The following ZDHHC11 variants were observed in gnomAD, a reference collection of about 807,000 sequenced individuals.
ZDHHC11 encodes the protein zDHHC palmitoyltransferase 11, also known as palmitoyltransferase ZDHHC11.
In ZDHHC11, 44 loss-of-function variants were observed where a neutral mutation model predicts 51.3. The ratio of observed to expected loss-of-function variants is 0.86; its 90% confidence interval spans 0.67 to 1.10. The LOEUF (loss-of-function observed/expected upper bound fraction) is 1.10. ZDHHC11 is among the 50% of genes least tolerant of loss of function. ZDHHC11 has a pLI of 0.00. For missense variants in ZDHHC11, 400 were observed against 537.7 expected, an observed-to-expected ratio of 0.74 and a Z score of 2.53; for synonymous variants, 163 against 222.0, an observed-to-expected ratio of 0.73 and a Z score of 2.36.
intron 3 of ZDHHC11, among the ~76,000 whole-genome samples, chr5:844,100 G>T (rs1292471721): frequency 6.6e-6 from 1 of 151,930 alleles, no homozygotes; most frequent in Admixed American, 6.5e-5. Flanking sequence ...CAGTGTGGGC[G>T]TCCACTTGAG....
chr5:856,436 CAT>C (rs1463094264), intron 1 of ZDHHC11, among the ~76,000 whole-genome samples: 1 of 151,298 alleles, frequency 6.6e-6, no homozygotes, highest in Non-Finnish European at 1.5e-5. Flanking sequence ...ACACAACACA[CAT>C]CATACAGATT....
chr5:797,667 C>T (rs1305232982), intron 12 of ZDHHC11, among the ~76,000 whole-genome samples: 8 of 151,424 alleles, frequency 5.3e-5, no homozygotes, highest in African/African-American at 1.9e-4. Flanking sequence ...GTTTTCTGTT[C>T]TCTTCAGATA....
upstream of ZDHHC11, among the ~76,000 whole-genome samples, chr5:851,396 C>A (rs1157320404): frequency 1.4e-5 from 2 of 143,574 alleles, no homozygotes; most frequent in Non-Finnish European, 3.0e-5. Flanking sequence ...AGACACTCAA[C>A]GGCCGCTACG....
intron 11 of ZDHHC11, among the ~76,000 whole-genome samples, chr5:804,923 C>T (rs1470896135): frequency 6.6e-6 from 1 of 151,178 alleles, no homozygotes; most frequent in Non-Finnish European, 1.5e-5. Flanking sequence ...AAATAAAGAA[C>T]ATTGGCAAAA....
At chr5:798,014 G>A (rs559371870) in intron 12 of ZDHHC11, among the ~76,000 whole-genome samples, 315 of 149,980 alleles carry the variant, frequency 2.1e-3, no homozygotes, top group Admixed American at 4.0e-3. Flanking sequence ...CCAAATACTC[G>A]GCAGTGATTT....
upstream of ZDHHC11, among the ~76,000 whole-genome samples, chr5:854,749 C>T (rs11956187): frequency 4.6e-5 from 6 of 129,134 alleles, no homozygotes; most frequent in South Asian, 1.0e-3. Context: ...CAGACCCCAC[C>T]GAGGACAGCG....
rs1042191923 is a variant in ZDHHC11, at chr5:795,659, A to T, written c.*929T>A. ...AAAACTGATTATCTTTTAAAAAATG[A>T]CTACTAAACAGATTAAAATGCAGAG... On this transcript the variant is annotated 3_prime_UTR_variant, in exon 13 of 13. Transcript: ENST00000283441. 6.5e-5 allele frequency: 10 copies of T among 153,810 alleles called. No homozygotes were observed. Among genetic ancestry groups the T allele is most frequent in the Non-Finnish European group, 1.3e-4 (9 of 67,928 alleles). The allele number at this position is 153,810 out of a possible 1,614,324, so 9.5% of individuals were successfully genotyped here.
chr5:833,431 T>TA (rs1227378424), intron 7 of ZDHHC11, among the ~76,000 whole-genome samples: 1 of 151,796 alleles, frequency 6.6e-6, no homozygotes, highest in Non-Finnish European at 1.5e-5. Context: ...GAAACACTAT[T>TA]AGAGATCATA....
rs1311831603 is a variant in ZDHHC11, at chr5:850,407, G to A, written c.196C>T (p.His66Tyr). ...ACGTAGGCAATGTATTTCCACGCGT[G>A]AGGCAGGAAGGGAATGAAGATCCCG... ...TFGIFIPFLP[H>Y]AWKYIAYVVT... Residue 66 changes from histidine (H) to tyrosine (Y), a missense_variant, in exon 1 of 13, where the codon CAC (histidine) becomes TAC (tyrosine). His to Tyr is a moderately conservative substitution (Grantham distance 83). Coordinates refer to ENST00000283441, the MANE Select transcript of ZDHHC11 (RefSeq NM_024786.3). The A allele has an allele frequency of 5.0e-6, 8 of 1,613,534 alleles. No homozygotes were observed. The highest frequency in any genetic ancestry group is 1.3e-5 in the African/African-American group (1 of 74,934).
intron 4 of ZDHHC11, chr5:842,136 A>T (rs1745091207): frequency 1.0e-6 from 1 of 986,284 alleles, no homozygotes; most frequent in Non-Finnish European, 1.2e-6. Context: ...CAATCAATGA[A>T]TTCACACGGA....
At chr5:843,867 CGGGGCATGT>C (rs1242643747) in intron 3 of ZDHHC11, 143 bp from the exon 4 acceptor site, 4 of 213,670 alleles carry the variant, frequency 1.9e-5, no homozygotes, top group Non-Finnish European at 2.8e-5. Flanking sequence ...CAGGGGCATG[CGGGGCATGT>C]GGGACAGGTG....
At chr5:858,943 A>T (rs184340867) in exon 1 of ZDHHC11, among the ~76,000 whole-genome samples, 3 of 152,216 alleles carry the variant, frequency 2.0e-5, no homozygotes, top group Non-Finnish European at 4.4e-5. Flanking sequence ...AGAGAAAAGC[A>T]GCGTCGCTCT....
intron 11 of ZDHHC11, among the ~76,000 whole-genome samples, chr5:808,892 G>C (rs2150305027): frequency 6.8e-6 from 1 of 147,906 alleles, no homozygotes; most frequent in African/African-American, 2.4e-5. Flanking sequence ...TAGAGACAGG[G>C]TTTCACCGTG....
At chr5:838,931 G>C (rs1744339898) in intron 5 of ZDHHC11, among the ~76,000 whole-genome samples, 1 of 148,040 alleles carries the variant, frequency 6.8e-6, no homozygotes, top group African/African-American at 2.6e-5. Context: ...AAAATGACAA[G>C]TGCAGACTTT....
At chr5:851,589 C>T (rs1747243543), upstream of ZDHHC11, among the ~76,000 whole-genome samples, 3 of 152,312 alleles carry the variant, frequency 2.0e-5, no homozygotes, top group African/African-American at 4.8e-5. Flanking sequence ...AACAATTCTT[C>T]GTTCTTGCAG....
At chr5:806,919 C>T (rs995036912) in intron 11 of ZDHHC11, among the ~76,000 whole-genome samples, 6 of 151,144 alleles carry the variant, frequency 4.0e-5, no homozygotes, top group African/African-American at 1.5e-4. Context: ...ATGTGCAACA[C>T]CTTTAAAAAA....
intron 11 of ZDHHC11, among the ~76,000 whole-genome samples, chr5:809,267 C>G (rs1422574026): frequency 7.1e-6 from 1 of 140,610 alleles, no homozygotes; most frequent in Admixed American, 7.3e-5. Flanking sequence ...GATGCACACA[C>G]GGCACTTCTG....
At chr5:844,628 A>T (rs1382089345) in intron 3 of ZDHHC11, among the ~76,000 whole-genome samples, 1 of 152,308 alleles carries the variant, frequency 6.6e-6, no homozygotes, top group African/African-American at 2.4e-5. Flanking sequence ...GAGAGCCACG[A>T]GAGTGCCGTG....
At chr5:801,421 A>G (rs1738403066) in intron 11 of ZDHHC11, among the ~76,000 whole-genome samples, 1 of 151,950 alleles carries the variant, frequency 6.6e-6, no homozygotes, top group Admixed American at 6.6e-5. Flanking sequence ...TCCCTGATAA[A>G]TAAGAGGGTC....
Sources: gnomAD v4.1 joint callset for allele counts (sites outside exome capture counted in the v4.1 genomes callset) on GRCh38, gnomAD v4.1.1 for gene constraint, MANE v1.5 for transcripts, NCBI Gene and HGNC (gene_info 2026-07-23, HGNC 2026-07-21) for gene names.